LDB2: variants seen among roughly 807,000 people sequenced by gnomAD.
LDB2 encodes the protein LIM domain binding 2, also known as LIM domain-binding protein 2.
Under a neutral mutation model 44.3 loss-of-function variants are expected in LDB2, and 12 were observed. The observed-to-expected ratio is 0.27, with a 90% CI of 0.17 to 0.44. The LOEUF (loss-of-function observed/expected upper bound fraction) is 0.44. Ranked by LOEUF, LDB2 falls within the 20% of genes least tolerant of loss-of-function variation. LDB2 has a pLI of 1.00. For synonymous variants in LDB2, 164 were observed against 174.8 expected, an observed-to-expected ratio of 0.94 and a Z score of 0.49; for missense variants, 344 against 473.5, an observed-to-expected ratio of 0.73 and a Z score of 2.54.
intron 1 of LDB2, among the ~76,000 whole-genome samples, chr4:16,768,027 C>T (rs76830083): frequency 1.4e-3 from 212 of 152,288 alleles, no homozygotes; most frequent in Middle Eastern, 6.8e-3. Flanking sequence ...TGCCCCTCGG[C>T]ATCTTTAACT....
chr4:16,872,184 C>G (rs542159117), intron 1 of LDB2, among the ~76,000 whole-genome samples: 56 of 151,880 alleles, frequency 3.7e-4, no homozygotes, highest in Middle Eastern at 6.8e-3. Flanking sequence ...CCATAGAGCT[C>G]TCATTTCTGT....
chr4:16,512,213 T>C lies in LDB2; in HGVS notation c.616-109A>G, dbSNP rs537952746. On this transcript the variant is annotated intron_variant, in intron 5 of 7. Coordinates refer to ENST00000304523, the MANE Select transcript of LDB2 (RefSeq NM_001290.5). ...GACAGCTTTGAGAATACTTTTATTT[T>C]CCTGGTTTTGATTTTCTTTATATAA... is the stretch of plus-strand genomic sequence containing the variant. 2.8e-6 allele frequency: 3 copies of C among 1,073,734 alleles called. No homozygotes were observed. In the East Asian group the frequency reaches 8.1e-5, roughly 29 times the overall value. 66.5% of individuals were successfully genotyped at this position (1,073,734 alleles called of 1,614,324 possible). A position where few individuals can be genotyped will look rare whatever the true frequency, so the allele number is the denominator to read the frequency against.
intron 2 of LDB2, among the ~76,000 whole-genome samples, chr4:16,624,428 AC>A (rs1312267569): frequency 6.6e-6 from 1 of 152,140 alleles, no homozygotes; most frequent in East Asian, 1.9e-4. Flanking sequence ...AAATAAATAA[AC>A]AAAAAATAAA....
chr4:16,608,195 T>A, intron 2 of LDB2, among the ~76,000 whole-genome samples: 1 of 102,010 alleles, frequency 9.8e-6, no homozygotes. Context: ...ATACAGAAAA[T>A]CACACTTCTT....
In LDB2 at chr4:16,558,634, G is replaced by C. The variant is rs1167697303; in HGVS notation, c.615+27288C>G. ...GAATGGAACCAAGTTGGAAAACACT[G>C]TGCAGGATATTATCCAGGAGAACTT... On this transcript the variant is annotated intron_variant, in intron 5 of 7. Coordinates refer to ENST00000304523, the MANE Select transcript of LDB2 (RefSeq NM_001290.5). Among the ~76,000 whole-genome samples, 353 of 152,272 alleles carry C rather than the reference G, an allele frequency of 2.3e-3. 2 individuals carry two copies. The highest frequency in any genetic ancestry group is 3.8e-3 in the Non-Finnish European group (258 of 68,014).
At chr4:16,538,193 T>C (rs1732502498) in intron 5 of LDB2, among the ~76,000 whole-genome samples, 1 of 152,092 alleles carries the variant, frequency 6.6e-6, no homozygotes, top group Non-Finnish European at 1.5e-5. Context: ...GTAATCACTC[T>C]CCAGTGAGCC....
intron 1 of LDB2, among the ~76,000 whole-genome samples, chr4:16,789,481 A>G (rs563995183): frequency 2.7e-4 from 41 of 152,332 alleles, no homozygotes; most frequent in Non-Finnish European, 5.7e-4. Context: ...GAGTAAAGTG[A>G]ACGGGACCAT....
chr4:16,588,776 G>C lies in LDB2; in HGVS notation c.465C>G (p.Ile155Met). ...GTCTAATGGTAAAGTGCCATGTTTT[G>C]ATTCTCATGAGATCATCAAAGGTGA... ...LEFTFDDLMR[I>M]KTWHFTIRQY... Residue 155 changes from isoleucine to methionine, a missense_variant, in exon 4 of 8, where the codon ATC becomes ATG. Transcript: ENST00000304523. The C allele has an allele frequency of 6.2e-7, 1 of 1,613,620 alleles. No homozygotes were observed. Among genetic ancestry groups the C allele is most frequent in the Non-Finnish European group, 8.5e-7 (1 of 1,179,558 alleles).
At chr4:16,792,837 AT>A (rs1007945570) in intron 1 of LDB2, among the ~76,000 whole-genome samples, 5 of 152,232 alleles carry the variant, frequency 3.3e-5, no homozygotes, top group Non-Finnish European at 7.3e-5. Flanking sequence ...ATCATGATAC[AT>A]TTTATAAAGG....
rs190063255 is a variant in LDB2 at position 16,863,526 on chromosome 4, C to T, written c.132+34828G>A. 1.4e-4 allele frequency among the ~76,000 whole-genome samples: 22 copies of T among 152,288 alleles called. 1 individual carries two copies. The highest frequency in any genetic ancestry group is 7.2e-4 in the Admixed American group (11 of 15,296). ...GTTTTCTCCCACTTGACAGTTACAC[C>T]CTGCTACATTTCCCAACCCCTCTGC... On this transcript the variant is annotated intron_variant, in intron 1 of 7. Transcript: ENST00000304523.
intron 1 of LDB2, among the ~76,000 whole-genome samples, chr4:16,849,176 C>T (rs1787688659): frequency 6.6e-6 from 1 of 152,134 alleles, no homozygotes; most frequent in Non-Finnish European, 1.5e-5. Flanking sequence ...TTGCCATTGG[C>T]TCCTGCCTGT....
intron 2 of LDB2, among the ~76,000 whole-genome samples, chr4:16,725,866 C>A (rs1759315015): frequency 7.2e-6 from 1 of 138,376 alleles, no homozygotes; most frequent in Non-Finnish European, 1.5e-5. Context: ...CATTTATGTG[C>A]ATGTATATAT....
intron 5 of LDB2, among the ~76,000 whole-genome samples, chr4:16,524,417 G>A (rs896154365): frequency 6.6e-6 from 1 of 152,172 alleles, no homozygotes; most frequent in African/African-American, 2.4e-5. Flanking sequence ...GAGTCAGCCA[G>A]GTGAAAGAGA....
At chr4:16,586,956 G>A (rs1578013542) in intron 4 of LDB2, among the ~76,000 whole-genome samples, 1 of 152,126 alleles carries the variant, frequency 6.6e-6, no homozygotes. Flanking sequence ...TTCTCATAGT[G>A]ATACTACCAA....
At chr4:16,586,505 CACACACACACACACACACACAAA>C (rs1560553343) in intron 4 of LDB2, among the ~76,000 whole-genome samples, 2 of 101,678 alleles carry the variant, frequency 2.0e-5, no homozygotes, top group East Asian at 3.6e-4. Flanking sequence ...CACACACACA[CACACACACACACACACACACAAA>C]ACACACACAC....
At chr4:16,797,486 T>TA (rs946900364) in intron 1 of LDB2, among the ~76,000 whole-genome samples, 1 of 151,852 alleles carries the variant, frequency 6.6e-6, no homozygotes, top group African/African-American at 2.4e-5. Context: ...AAAGTCTACT[T>TA]AAAAAAAATA....
chr4:16,881,474 TTTTC>T (rs1164641437), intron 1 of LDB2, among the ~76,000 whole-genome samples: 1 of 152,090 alleles, frequency 6.6e-6, no homozygotes. Context: ...ATTTTTGAGA[TTTTC>T]TTTCTTTTTT....
chr4:16,561,980 A>G (rs546306459), intron 5 of LDB2, among the ~76,000 whole-genome samples: 3 of 152,320 alleles, frequency 2.0e-5, no homozygotes, highest in African/African-American at 7.2e-5. Flanking sequence ...AGGATTCCCT[A>G]TTTAATAAAT....
intron 2 of LDB2, among the ~76,000 whole-genome samples, chr4:16,728,304 A>C (rs866644901): frequency 6.6e-6 from 1 of 152,182 alleles, no homozygotes; most frequent in Non-Finnish European, 1.5e-5. Flanking sequence ...GCTGTCCCTC[A>C]AGAGGCTCAA....
Sources: gnomAD v4.1 joint callset for allele counts (sites outside exome capture counted in the v4.1 genomes callset) on GRCh38, gnomAD v4.1.1 for gene constraint, MANE v1.5 for transcripts, NCBI Gene and HGNC (gene_info 2026-07-23, HGNC 2026-07-21) for gene names.